Variants in WDR86 observed in about 807,000 individuals in gnomAD.
The protein encoded by WDR86 is WD repeat domain 86, also known as WD repeat-containing protein 86.
Under a neutral mutation model 36.5 loss-of-function variants are expected in WDR86, and 30 were observed. That is an observed-to-expected ratio of 0.82 (90% CI 0.61 to 1.11). The LOEUF (loss-of-function observed/expected upper bound fraction) is 1.11, where lower values mean the gene tolerates loss of function less well. Ranked by LOEUF, WDR86 falls within the 50% of genes most tolerant of loss-of-function variation. The probability of loss-of-function intolerance (pLI) is 0.00; values close to 1 mark genes in which losing one functional copy is unlikely to be tolerated. For missense variants in WDR86, 545 were observed against 561.2 expected, an observed-to-expected ratio of 0.97 and a Z score of 0.29; for synonymous variants, 255 against 252.9, an observed-to-expected ratio of 1.01 and a Z score of -0.08.
At chr7:151,374,410 G>A (rs1284759437), downstream of WDR86, 18 of 813,352 alleles carry the variant, frequency 2.2e-5, no homozygotes, top group African/African-American at 3.4e-5. Context: ...CACAGGCTGC[G>A]TGAGGCCACG....
intron 3 of WDR86, among the ~76,000 whole-genome samples, chr7:151,385,760 C>T (rs1203631256): frequency 6.6e-6 from 1 of 152,156 alleles, no homozygotes; most frequent in African/African-American, 2.4e-5. Flanking sequence ...AGAAGAGGGC[C>T]CGGGAGACAG....
Position 151,409,642 on chromosome 7 carries a change from G to T in WDR86, c.-53C>A, listed in dbSNP as rs886218008. Reference sequence around the variant, plus strand: ...GAGCTGCGCCCCGCTAGGGAGGGGCGCCCCGGGGTCCGCGCGGCGGCTCCG... The same window carrying T: ...GAGCTGCGCCCCGCTAGGGAGGGGCTCCCCGGGGTCCGCGCGGCGGCTCCG... On this transcript the variant is annotated 5_prime_UTR_variant, in exon 1 of 6. Coordinates refer to ENST00000334493, the MANE Select transcript of WDR86 (RefSeq NM_198285.3). The surrounding 1 kb of genome is among the most constrained non-coding windows in gnomAD (Gnocchi z 5.2). 11 of 1,320,334 alleles carry T rather than the reference G, an allele frequency of 8.3e-6. 1 individual carries two copies. The highest frequency in any genetic ancestry group is 9.6e-6 in the Non-Finnish European group (10 of 1,038,966). 81.8% of individuals were successfully genotyped at this position (1,320,334 alleles called of 1,614,324 possible). A position where few individuals can be genotyped will look rare whatever the true frequency, so the allele number is the denominator to read the frequency against.
At chr7:151,408,223 G>T (rs1169238179) in intron 1 of WDR86, among the ~76,000 whole-genome samples, 1 of 138,002 alleles carries the variant, frequency 7.2e-6, no homozygotes, top group Non-Finnish European at 1.5e-5. Context: ...TTTAGACAGA[G>T]TCTGGCTCTG....
chr7:151,386,853 C>G (rs1352455739), intron 3 of WDR86, among the ~76,000 whole-genome samples: 1 of 152,196 alleles, frequency 6.6e-6, no homozygotes, highest in East Asian at 1.9e-4. Context: ...ACACTGCTGC[C>G]CCAGGACCTC....
At chr7:151,392,541 T>A (rs1799511708) in intron 3 of WDR86, among the ~76,000 whole-genome samples, 1 of 152,110 alleles carries the variant, frequency 6.6e-6, no homozygotes, top group Non-Finnish European at 1.5e-5. Flanking sequence ...CTCCTGCAGC[T>A]TCGGAGCCCC....
rs576825977 is a variant in WDR86 at position 151,385,449 on chromosome 7, C to T, written c.727-226G>A. On this transcript the variant is annotated intron_variant, in intron 3 of 5. Coordinates refer to ENST00000334493, the MANE Select transcript of WDR86 (RefSeq NM_198285.3). The stretch of plus-strand genomic sequence containing the variant: ...GCCAGTGCTCCAACAGGGCTGGCCG[C>T]CCAGCCCCACACTGCCCTGGGCCAG... Among the ~76,000 whole-genome samples the T allele has an allele frequency of 2.7e-3, 406 of 152,334 alleles. 1 individual carries two copies. Among genetic ancestry groups the T allele is most frequent in the African/African-American group, 9.4e-3 (390 of 41,576 alleles).
At chr7:151,398,688 G>A (rs1800070022) in intron 2 of WDR86, among the ~76,000 whole-genome samples, 1 of 152,018 alleles carries the variant, frequency 6.6e-6, no homozygotes, top group South Asian at 2.1e-4. Context: ...TGTGTATGGT[G>A]TATATGTATG....
Position 151,401,830 on chromosome 7 carries a change from A to C in WDR86, c.164-1589T>G, listed in dbSNP as rs1362950038. Among the ~76,000 whole-genome samples, 6 of 151,574 alleles carry C rather than the reference A, an allele frequency of 4.0e-5. No individual in the cohort carries two copies. Among genetic ancestry groups the C allele is most frequent in the Non-Finnish European group, 8.8e-5 (6 of 67,916 alleles). On this transcript the variant is annotated intron_variant, in intron 1 of 5. Transcript: ENST00000334493. This position sits in a 1 kb window ranked among gnomAD's most constrained non-coding sequence, Gnocchi z 4.3. ...TTTGGGAGGCCGAGGCGGGTGGATC[A>C]CAAGGTCAGGAGTTCAAGATCAGCC...
rs71539878 is a variant in WDR86, at chr7:151,401,606, G to A, written c.164-1365C>T. ...TTTCCTTACACTGGGGAGAGATACT[G>A]TGGTAGGCAGAATGACGGCCCCAAG... On this transcript the variant is annotated intron_variant, in intron 1 of 5. Coordinates refer to ENST00000334493, the MANE Select transcript of WDR86 (RefSeq NM_198285.3). This position sits in a 1 kb window ranked among gnomAD's most constrained non-coding sequence, Gnocchi z 4.3. Among the ~76,000 whole-genome samples the A allele has an allele frequency of 0.068, 10,309 of 152,196 alleles. 576 individuals are homozygous for A. Among genetic ancestry groups the A allele is most frequent in the African/African-American group, 0.15 (6,145 of 41,470 alleles).
Position 151,409,515 on chromosome 7 carries a change from G to A in WDR86, c.75C>T (p.Pro25=), listed in dbSNP as rs933244435. ...RGGINWLSLS[P]DGQRLLTGSE... ...TGCCCGTCAGCAGGCGCTGCCCGTC[G>A]GGGCTCAGGCTCAGCCAGTTGATGC... Residue 25 remains proline, a synonymous_variant, in exon 1 of 6, where the codon CCC becomes CCT. Transcript: ENST00000334493. The surrounding 1 kb of genome is among the most constrained non-coding windows in gnomAD (Gnocchi z 5.2). 5 of 1,531,696 alleles carry A rather than the reference G, an allele frequency of 3.3e-6. No homozygotes were observed. Among genetic ancestry groups the A allele is most frequent in the Middle Eastern group, 2.2e-4 (1 of 4,462 alleles). 94.9% of individuals were successfully genotyped at this position (1,531,696 alleles called of 1,614,324 possible). A position where few individuals can be genotyped will look rare whatever the true frequency, so the allele number is the denominator to read the frequency against.
At position 151,409,817 on chromosome 7, in the gene WDR86, G is replaced by A; in HGVS notation, c.-228C>T. 7.9e-7 allele frequency: 1 copy of A among 1,258,544 alleles called. No homozygotes were observed. The highest frequency in any genetic ancestry group is 1.0e-6 in the Non-Finnish European group (1 of 1,004,912). 78.0% of individuals were successfully genotyped at this position (1,258,544 alleles called of 1,614,324 possible). On this transcript the variant is annotated 5_prime_UTR_variant, in exon 1 of 6. Transcript: ENST00000334493. The surrounding 1 kb of genome is among the most constrained non-coding windows in gnomAD (Gnocchi z 5.2). ...GGCGCTGCGGGGGGCGGCCCACTCG[G>A]GACCTCCGCCCTGGGTAGAGTCCTG...
At chr7:151,387,822 G>C (rs1467368265) in intron 3 of WDR86, among the ~76,000 whole-genome samples, 2 of 152,204 alleles carry the variant, frequency 1.3e-5, no homozygotes, top group African/African-American at 4.8e-5. Context: ...TCACAGGCAC[G>C]GGGCTTACAG....
rs1281641862 is a variant in WDR86, at chr7:151,402,078, T to A, written c.164-1837A>T. Reference sequence around the variant, plus strand: ...AAAAAAAAAAAAAAAAAAATATATATATATATATATATATCTCCACAAATG... The same window carrying A: ...AAAAAAAAAAAAAAAAAAATATATAAATATATATATATATCTCCACAAATG... On this transcript the variant is annotated intron_variant, in intron 1 of 5. Transcript: ENST00000334493. Among the ~76,000 whole-genome samples the A allele has an allele frequency of 5.5e-3, 481 of 87,322 alleles. 1 individual carries two copies. The highest frequency in any genetic ancestry group is 6.8e-3 in the Non-Finnish European group (314 of 46,104). The allele number at this position is 87,322 out of a possible 152,430, so 57.3% of individuals were successfully genotyped here. A position where few individuals can be genotyped will look rare whatever the true frequency, so the allele number is the denominator to read the frequency against.
chr7:151,383,687 T>C (rs148204846), intron 4 of WDR86, among the ~76,000 whole-genome samples: 276 of 152,324 alleles, frequency 1.8e-3, no homozygotes, highest in Middle Eastern at 0.017. Context: ...TGGGTCTCTT[T>C]TCAGCCCCTT....
chr7:151,393,620 C>T (rs1044230876), intron 3 of WDR86, among the ~76,000 whole-genome samples: 15 of 152,122 alleles, frequency 9.9e-5, no homozygotes, highest in Non-Finnish European at 1.9e-4. Flanking sequence ...GACAGGCCTC[C>T]CAGCGAACTC....
intron 3 of WDR86, among the ~76,000 whole-genome samples, chr7:151,393,994 C>T (rs1338451762): frequency 6.6e-6 from 1 of 152,174 alleles, no homozygotes; most frequent in Non-Finnish European, 1.5e-5. Flanking sequence ...CCCTGACCTT[C>T]CCTTCTTTCC....
At chr7:151,394,288 G>A (rs1396278101) in intron 3 of WDR86, among the ~76,000 whole-genome samples, 1 of 152,164 alleles carries the variant, frequency 6.6e-6, no homozygotes. Context: ...ACGCGAATGT[G>A]AGCCCTTCCC....
At chr7:151,383,152 AT>A (rs1798721630) in intron 4 of WDR86, among the ~76,000 whole-genome samples, 2 of 123,964 alleles carry the variant, frequency 1.6e-5, no homozygotes, top group South Asian at 3.0e-4. Context: ...CACCCAGCTA[AT>A]TTTAAAAAAA....
downstream of WDR86, chr7:151,376,602 G>T (rs1279138986): frequency 6.4e-7 from 1 of 1,568,568 alleles, no homozygotes; most frequent in Admixed American, 1.8e-5. Context: ...GGCGCCAGGG[G>T]CTGATGCTGT....
Sources: allele counts gnomAD v4.1 joint callset (sites outside exome capture counted in the v4.1 genomes callset), GRCh38; gene constraint gnomAD v4.1.1; non-coding constraint Gnocchi (gnomAD v3.1); transcripts MANE v1.5; gene names NCBI Gene and HGNC (gene_info 2026-07-23, HGNC 2026-07-21).